SEL1L3: variants seen among roughly 807,000 people sequenced by gnomAD.
The protein encoded by SEL1L3 is SEL1L family member 3.
In SEL1L3, 76 loss-of-function variants were observed where a neutral mutation model predicts 142.8. The observed-to-expected ratio is 0.53, with a 90% CI of 0.44 to 0.64. The LOEUF is 0.64. Ranked by LOEUF, SEL1L3 falls within the 30% of genes least tolerant of loss-of-function variation. The pLI is 0.00. For synonymous variants in SEL1L3, 504 were observed against 519.6 expected (o/e 0.97, Z 0.41); for missense variants, 1,262 against 1,381.7 (o/e 0.91, Z 1.37).
At chr4:25,851,874 TGA>T (rs1267216095) in intron 1 of SEL1L3, among the ~76,000 whole-genome samples, 1 of 124,534 alleles carries the variant, frequency 8.0e-6, no homozygotes, top group Non-Finnish European at 1.6e-5. Context: ...GGCGACAGAG[TGA>T]GACTCTGTCT....
chr4:25,780,390 C>T (rs1161454389), intron 15 of SEL1L3, among the ~76,000 whole-genome samples: 5 of 152,064 alleles, frequency 3.3e-5, no homozygotes. Context: ...GAACATTGCC[C>T]AGTGGTTTCC....
At chr4:25,834,876 C>G (rs897480872) in intron 3 of SEL1L3, among the ~76,000 whole-genome samples, 2 of 152,194 alleles carry the variant, frequency 1.3e-5, no homozygotes, top group African/African-American at 4.8e-5. Context: ...AAAGGCAAAG[C>G]CAAGGCTGCA....
At chr4:25,859,174 C>G (rs1380882381) in intron 1 of SEL1L3, among the ~76,000 whole-genome samples, 1 of 152,186 alleles carries the variant, frequency 6.6e-6, no homozygotes. Flanking sequence ...CAAGAAGGCC[C>G]GTTGGGCAGG....
intron 23 of SEL1L3, 67 bp downstream of exon 23, chr4:25,757,456 CCAAAAAAAAAA>C (rs1718051390): frequency 1.9e-5 from 10 of 527,190 alleles, no homozygotes; most frequent in East Asian, 5.4e-5. Flanking sequence ...TTCCAGTAGA[CCAAAAAAAAAA>C]AAAAAAAAAA....
intron 2 of SEL1L3, among the ~76,000 whole-genome samples, chr4:25,840,740 G>A (rs1420668240): frequency 6.6e-6 from 1 of 152,174 alleles, no homozygotes; most frequent in Non-Finnish European, 1.5e-5. Flanking sequence ...CAAGTGTGCT[G>A]CTAGTCCACA....
chr4:25,751,375 G>A (rs563064895), intron 23 of SEL1L3, among the ~76,000 whole-genome samples: 4 of 152,238 alleles, frequency 2.6e-5, no homozygotes, highest in African/African-American at 9.6e-5. Flanking sequence ...GGCTAATGAC[G>A]CTTGGCTTTG....
At chr4:25,770,509 G>A (rs1207317819) in intron 17 of SEL1L3, 1 of 152,178 alleles carries the variant, frequency 6.6e-6, no homozygotes, top group Non-Finnish European at 1.5e-5. Context: ...GGAGGCCAAG[G>A]CAGGTAGATC....
At chr4:25,754,543 C>G (rs1472066941) in intron 23 of SEL1L3, among the ~76,000 whole-genome samples, 1 of 151,774 alleles carries the variant, frequency 6.6e-6, no homozygotes, top group Non-Finnish European at 1.5e-5. Context: ...TTAGTTCTAA[C>G]AGGGCTGGCA....
chr4:25,844,520 T>C (rs1423014710), intron 2 of SEL1L3, among the ~76,000 whole-genome samples: 1 of 152,166 alleles, frequency 6.6e-6, no homozygotes, highest in Non-Finnish European at 1.5e-5. Flanking sequence ...TTCCTAAGCC[T>C]TGTGAATATG....
intron 17 of SEL1L3, among the ~76,000 whole-genome samples, chr4:25,772,355 T>G (rs1338395502): frequency 2.0e-5 from 3 of 152,058 alleles, no homozygotes; most frequent in Non-Finnish European, 4.4e-5. Flanking sequence ...AGCAAAGATA[T>G]GGAGAAATAG....
chr4:25,733,793 A>G, the SEL1L3 span, among the ~76,000 whole-genome samples: 6 of 152,082 alleles, frequency 3.9e-5, no homozygotes, highest in Admixed American at 3.9e-4. Context: ...GGGATTACCG[A>G]TGTGAGCCAC....
intron 11 of SEL1L3, among the ~76,000 whole-genome samples, chr4:25,795,020 A>C (rs1270408762): frequency 7.8e-6 from 1 of 128,790 alleles, no homozygotes; most frequent in Non-Finnish European, 1.6e-5. Context: ...ATACATGGAC[A>C]CAGGGAGGGG....
rs1713225473 is a variant in SEL1L3, at chr4:25,802,161, C to T, written c.1956+122G>A. On this transcript the variant is annotated intron_variant, in intron 11 of 23. Coordinates refer to ENST00000399878, the MANE Select transcript of SEL1L3 (RefSeq NM_015187.5). Reference sequence around the variant, plus strand: ...AAATGGAGAGCGCAAGACAGCTCCTCTCTCCATTTGATTATGTTCAACCTC... The same window carrying T: ...AAATGGAGAGCGCAAGACAGCTCCTTTCTCCATTTGATTATGTTCAACCTC... 8.6e-6 allele frequency: 7 copies of T among 816,246 alleles called. No individual in the cohort carries two copies. In the South Asian group the frequency reaches 1.3e-4, roughly 15 times the overall value. 50.6% of individuals were successfully genotyped at this position (816,246 alleles called of 1,614,324 possible). A position where few individuals can be genotyped will look rare whatever the true frequency, so the allele number is the denominator to read the frequency against.
downstream of SEL1L3, among the ~76,000 whole-genome samples, chr4:25,744,348 C>CTTTTTTT (rs35155388): frequency 2.4e-3 from 246 of 101,408 alleles, 35 homozygotes; most frequent in South Asian, 5.7e-3. Flanking sequence ...ATGTGTGAGT[C>CTTTTTTT]TTTTTTTTTT....
At chr4:25,861,824 A>G (rs970013327) in intron 1 of SEL1L3, 20 of 152,198 alleles carry the variant, frequency 1.3e-4, no homozygotes, top group African/African-American at 4.6e-4. Context: ...GGAGAACTCA[A>G]AACAGAAGCA....
the SEL1L3 span, among the ~76,000 whole-genome samples, chr4:25,737,362 G>T: frequency 1.3e-5 from 2 of 152,114 alleles, no homozygotes; most frequent in Non-Finnish European, 2.9e-5. Context: ...TGCTAGCAAG[G>T]TACCTTTTAT....
At chr4:25,837,250 G>A (rs1288840609) in intron 2 of SEL1L3, among the ~76,000 whole-genome samples, 1 of 149,680 alleles carries the variant, frequency 6.7e-6, no homozygotes, top group East Asian at 2.0e-4. Flanking sequence ...CCACTATGTT[G>A]AGTGGAGCAG....
the SEL1L3 span, among the ~76,000 whole-genome samples, chr4:25,724,754 A>G: frequency 3.9e-5 from 5 of 127,244 alleles, no homozygotes; most frequent in East Asian, 2.4e-4. Context: ...AAAAAAAAAA[A>G]AAAAAAAAAA....
At chr4:25,742,769 TA>T (rs145796879), downstream of SEL1L3, among the ~76,000 whole-genome samples, 497 of 152,258 alleles carry the variant, frequency 3.3e-3, 25 homozygotes, top group East Asian at 0.07. Context: ...CTAATTTTTT[TA>T]AATTGGCATT....
Sources: gnomAD v4.1 joint callset for allele counts (sites outside exome capture counted in the v4.1 genomes callset) on GRCh38, gnomAD v4.1.1 for gene constraint, MANE v1.5 for transcripts, NCBI Gene and HGNC (gene_info 2026-07-23, HGNC 2026-07-21) for gene names.